Variants in TFAP2D observed in about 807,000 individuals in gnomAD.
TFAP2D encodes transcription factor AP-2-delta.
Under a neutral mutation model 43.6 loss-of-function variants are expected in TFAP2D, and 9 were observed. The observed-to-expected ratio is 0.21, with a 90% CI of 0.12 to 0.36. The LOEUF (loss-of-function observed/expected upper bound fraction) is 0.36. TFAP2D is among the 10% of genes least tolerant of loss of function. The pLI is 1.00. For missense variants in TFAP2D, 513 were observed against 561.4 expected, an observed-to-expected ratio of 0.91 and a Z score of 0.87; for synonymous variants, 256 against 224.9, an observed-to-expected ratio of 1.14 and a Z score of -1.24.
intron 7 of TFAP2D, among the ~76,000 whole-genome samples, chr6:50,754,282 T>C (rs949500700): frequency 3.3e-5 from 5 of 151,956 alleles, no homozygotes; most frequent in African/African-American, 9.7e-5. Context: ...TGTTCATCCA[T>C]GTCATAGCAT....
intron 2 of TFAP2D, 103 bp downstream of exon 2, chr6:50,715,716 C>T: frequency 3.5e-6 from 4 of 1,159,034 alleles, no homozygotes; most frequent in East Asian, 2.4e-5. Context: ...TTCTCTCTCT[C>T]TTCTCCTCTC....
In TFAP2D at chr6:50,760,326, T is replaced by C. The variant is rs139895078; in HGVS notation, c.1139+9002T>C. Among the ~76,000 whole-genome samples the C allele has an allele frequency of 7.9e-5, 12 of 152,206 alleles. No homozygotes were observed. The East Asian group carries it at 1.9e-3, about 24-fold the overall frequency. ...AAGGAGACATACTGATTTTTTTCTC[T>C]GCATTTAAATGGAATGAGGGTTGTT... On this transcript the variant is annotated intron_variant, in intron 7 of 7. Transcript: ENST00000008391.
At chr6:50,744,860 G>A (rs193082862) in intron 5 of TFAP2D, among the ~76,000 whole-genome samples, 47 of 152,084 alleles carry the variant, frequency 3.1e-4, no homozygotes, top group African/African-American at 1.1e-3. Context: ...TTGTGTTTCT[G>A]TTTTTTTCCC....
Position 50,715,408 on chromosome 6 carries a change from C to G in TFAP2D, c.332C>G (p.Thr111Ser). 2 of 1,614,182 alleles carry G rather than the reference C, an allele frequency of 1.2e-6. No homozygotes were observed. The highest frequency in any genetic ancestry group is 1.7e-6 in the Non-Finnish European group (2 of 1,180,048). ...CAGCAGATCCACCACGGGGAGCCCA[C>G]CGACTTTATTAACCTGCACAATGCG... Reference protein sequence around the residue: ...YYQQIHHGEPTDFINLHNARA... With the variant: ...YYQQIHHGEPSDFINLHNARA... The change falls in exon 2 of 8, where the codon ACC becomes AGC. Residue 111 changes from threonine to serine, a missense_variant. Around this residue, in one of 3 missense-constraint regions of TFAP2D, gnomAD observed 311 missense variants for 316.2 expected, o/e 0.98. Coordinates refer to ENST00000008391, the MANE Select transcript of TFAP2D (RefSeq NM_172238.4).
In TFAP2D at chr6:50,715,355, C is replaced by A; in HGVS notation, c.279C>A (p.Asn93Lys). 8 of 1,614,170 alleles carry A rather than the reference C, an allele frequency of 5.0e-6. No homozygotes were observed. The highest frequency in any genetic ancestry group is 6.8e-6 in the Non-Finnish European group (8 of 1,180,044). Residue 93 changes from asparagine to lysine, a missense_variant, in exon 2 of 8, where the codon AAC becomes AAA. Asn to Lys is a moderately conservative substitution (Grantham distance 94). Around this residue, in one of 3 missense-constraint regions of TFAP2D, gnomAD observed 311 missense variants for 316.2 expected, o/e 0.98. Transcript: ENST00000008391. ...TCACCCCCGACGCCTACTCTCTGAA[C>A]TCTCTCCACCACTCGCAACAGTACT... ...PAVTPDAYSLNSLHHSQQYYQ... is the reference protein window; with the variant it reads ...PAVTPDAYSLKSLHHSQQYYQ...
At chr6:50,744,301 C>T (rs7763431) in intron 5 of TFAP2D, among the ~76,000 whole-genome samples, 18,499 of 152,088 alleles carry the variant, frequency 0.12, 1,182 homozygotes, top group Middle Eastern at 0.15. Flanking sequence ...ATGCAGTATT[C>T]GGTTTTCTGT....
intron 5 of TFAP2D, among the ~76,000 whole-genome samples, chr6:50,734,652 A>G (rs1768938543): frequency 6.6e-6 from 1 of 152,082 alleles, no homozygotes; most frequent in Non-Finnish European, 1.5e-5. Context: ...CTAGCCAGAA[A>G]ATTACCCAGT....
Position 50,772,849 on chromosome 6 carries a change from A to G in TFAP2D, c.1344A>G (p.Thr448=). ...TSEAAVKEGK[T]EKTD The stretch of plus-strand genomic sequence containing the variant: ...AGGCTGCCGTGAAAGAGGGCAAAAC[A>G]GAAAAGACAGACTAGCTACATCAAA... Residue 448 remains threonine, a synonymous_variant, in exon 8 of 8, where the codon ACA becomes ACG. Coordinates refer to ENST00000008391, the MANE Select transcript of TFAP2D (RefSeq NM_172238.4). The G allele has an allele frequency of 6.2e-7, 1 of 1,613,404 alleles. No individual in the cohort carries two copies. The highest frequency in any genetic ancestry group is 8.5e-7 in the Non-Finnish European group (1 of 1,179,628).
chr6:50,755,675 T>C (rs957610491), intron 7 of TFAP2D, among the ~76,000 whole-genome samples: 1 of 151,950 alleles, frequency 6.6e-6, no homozygotes, highest in Non-Finnish European at 1.5e-5. Context: ...AAGTTTTGTA[T>C]TGTATACTAA....
intron 3 of TFAP2D, among the ~76,000 whole-genome samples, chr6:50,721,450 T>C (rs1262517142): frequency 6.6e-6 from 1 of 152,182 alleles, no homozygotes; most frequent in Non-Finnish European, 1.5e-5. Context: ...AATGTTCATG[T>C]CAATTTACAA....
chr6:50,749,815 A>T (rs1769176516), intron 6 of TFAP2D, among the ~76,000 whole-genome samples: 1 of 151,928 alleles, frequency 6.6e-6, no homozygotes, highest in African/African-American at 2.4e-5. Context: ...AAAAGCATGT[A>T]TTCAGATGCT....
At chr6:50,741,105 A>T (rs1425028084) in intron 5 of TFAP2D, among the ~76,000 whole-genome samples, 2 of 151,460 alleles carry the variant, frequency 1.3e-5, no homozygotes, top group Non-Finnish European at 2.9e-5. Flanking sequence ...ATTTAATATA[A>T]GTATTTAATA....
rs1006381251 is a variant in TFAP2D, at chr6:50,739,735, A to G, written c.884-5372A>G. On this transcript the variant is annotated intron_variant, in intron 5 of 7. Coordinates refer to ENST00000008391, the MANE Select transcript of TFAP2D (RefSeq NM_172238.4). ...CTAGGAGGGGATGCTTCACAAGACT[A>G]TTGTCATAATTAACATACTGTTAAC... Among the ~76,000 whole-genome samples, 22 of 152,302 alleles carry G rather than the reference A, an allele frequency of 1.4e-4. No homozygotes were observed. The East Asian group carries it at 3.5e-3, about 24-fold the overall frequency.
At chr6:50,763,197 C>G (rs569847254) in intron 7 of TFAP2D, among the ~76,000 whole-genome samples, 2 of 152,184 alleles carry the variant, frequency 1.3e-5, no homozygotes, top group African/African-American at 2.4e-5. Flanking sequence ...AGAAACTTTC[C>G]TCTTTATTTT....
At chr6:50,728,537 G>A (rs535257002) in intron 3 of TFAP2D, among the ~76,000 whole-genome samples, 2 of 152,282 alleles carry the variant, frequency 1.3e-5, no homozygotes, top group East Asian at 3.9e-4. Flanking sequence ...TGGAATTCAG[G>A]TTTTTGATTA....
Position 50,727,317 on chromosome 6 carries a change from G to T in TFAP2D, c.599-1539G>T, listed in dbSNP as rs979820535. On this transcript the variant is annotated intron_variant, in intron 3 of 7. Coordinates refer to ENST00000008391, the MANE Select transcript of TFAP2D (RefSeq NM_172238.4). ...ACTTTTTCTGTCTCCTCAGGTTTGGGATCCCTTTGCCTTTTTAAATGTCCT... is the reference window on the plus strand; with the variant it reads ...ACTTTTTCTGTCTCCTCAGGTTTGGTATCCCTTTGCCTTTTTAAATGTCCT... Among the ~76,000 whole-genome samples, 2 of 152,142 alleles carry T rather than the reference G, an allele frequency of 1.3e-5. 1 individual carries two copies. The highest frequency in any genetic ancestry group is 4.1e-4 in the South Asian group (2 of 4,834).
At chr6:50,724,578 CG>C (rs1446576046) in intron 3 of TFAP2D, among the ~76,000 whole-genome samples, 2 of 152,020 alleles carry the variant, frequency 1.3e-5, no homozygotes, top group Non-Finnish European at 2.9e-5. Flanking sequence ...CGTTCTGAGA[CG>C]GGGGAGGCGC....
At chr6:50,723,505 A>G (rs932897522) in intron 3 of TFAP2D, among the ~76,000 whole-genome samples, 4 of 152,202 alleles carry the variant, frequency 2.6e-5, no homozygotes, top group African/African-American at 4.8e-5. Flanking sequence ...TACTCTCGCT[A>G]GCCAAAACTC....
chr6:50,768,268 A>AT (rs1163770512), intron 7 of TFAP2D, among the ~76,000 whole-genome samples: 28 of 74,202 alleles, frequency 3.8e-4, no homozygotes, highest in South Asian at 8.4e-4. Flanking sequence ...TCTATTTCTA[A>AT]TTTTCTTTTT....
Sources: gnomAD v4.1 joint callset for allele counts (sites outside exome capture counted in the v4.1 genomes callset) on GRCh38, gnomAD v4.1.1 for gene constraint, gnomAD v4.1.1 regional missense constraint, MANE v1.5 for transcripts, NCBI Gene and HGNC (gene_info 2026-07-23, HGNC 2026-07-21) for gene names.